BANK1: variants seen among roughly 807,000 people sequenced by gnomAD.
BANK1 encodes B cell scaffold protein with ankyrin repeats 1, also known as B-cell scaffold protein with ankyrin repeats.
Under a neutral mutation model 94.5 loss-of-function variants are expected in BANK1, and 95 were observed. The observed-to-expected ratio is 1.00, with a 90% CI of 0.85 to 1.19. The LOEUF is 1.19. Among genes scored for constraint, BANK1 ranks in the 50% most tolerant of loss-of-function variants. BANK1 has a pLI of 0.00. For synonymous variants in BANK1, 334 were observed against 308.4 expected (o/e 1.08, Z -0.87); for missense variants, 987 against 932.2 (o/e 1.06, Z -0.77).
chr4:101,806,736 T>G (rs958757549), intron 1 of BANK1, among the ~76,000 whole-genome samples: 3 of 152,188 alleles, frequency 2.0e-5, no homozygotes, highest in African/African-American at 7.2e-5. Context: ...ATTTAGTATA[T>G]TCATTGAGAA....
chr4:101,947,303 A>ATGTATG, intron 7 of BANK1, among the ~76,000 whole-genome samples: 1 of 56,974 alleles, frequency 1.8e-5, no homozygotes, highest in Non-Finnish European at 5.6e-5. Flanking sequence ...ATATATATAT[A>ATGTATG]TATATATATG....
chr4:101,832,049 C>T (rs529119983), intron 2 of BANK1, among the ~76,000 whole-genome samples: 1 of 152,246 alleles, frequency 6.6e-6, no homozygotes, highest in South Asian at 2.1e-4. Flanking sequence ...TCTAATCATT[C>T]CTGAGGAAGG....
At position 101,855,079 on chromosome 4, in the gene BANK1, G is replaced by A. The variant is rs1727629694; in HGVS notation, c.514G>A (p.Ala172Thr). Residue 172 changes from alanine (A) to threonine (T), a missense_variant, in exon 3 of 17, where the codon GCA becomes ACA. By Grantham distance (58) the Ala-to-Thr change is moderately conservative. Coordinates refer to ENST00000322953, the MANE Select transcript of BANK1 (RefSeq NM_017935.5). ...FEVNIPTDLR[A>T]KHSGEISERK... is the part of the protein sequence containing the mutation. ...GGTCAACATTCCAACAGACCTACGA[G>A]CAAAACATTCTGGGGAAATAAGTGA... is the stretch of plus-strand genomic sequence containing the variant. 6.2e-7 allele frequency: 1 copy of A among 1,613,330 alleles called. No individual in the cohort carries two copies. Among genetic ancestry groups the A allele is most frequent in the Non-Finnish European group, 8.5e-7 (1 of 1,179,448 alleles).
chr4:102,041,070 A>G (rs1014038598), intron 10 of BANK1, among the ~76,000 whole-genome samples: 1 of 152,076 alleles, frequency 6.6e-6, no homozygotes, highest in Non-Finnish European at 1.5e-5. Context: ...CTTGCTTTAC[A>G]AAATAATGTA....
chr4:101,822,285 G>A (rs775429552), intron 1 of BANK1, among the ~76,000 whole-genome samples: 3 of 151,808 alleles, frequency 2.0e-5, no homozygotes, highest in Non-Finnish European at 4.4e-5. Flanking sequence ...TGGGACGATC[G>A]CTTAAGCCTG....
chr4:102,062,188 A>AAAC (rs1396060399), intron 12 of BANK1: 1 of 152,218 alleles, frequency 6.6e-6, no homozygotes. Flanking sequence ...TTAATCTAGG[A>AAAC]AACTAAGAAA....
intron 7 of BANK1, among the ~76,000 whole-genome samples, chr4:101,934,976 T>C (rs1167243189): frequency 6.6e-6 from 1 of 151,464 alleles, no homozygotes; most frequent in Non-Finnish European, 1.5e-5. Context: ...TATTTAAAAT[T>C]GCCAATACCC....
At position 101,847,769 on chromosome 4, in the gene BANK1, A is replaced by G. The variant is rs561019649; in HGVS notation, c.470-7266A>G. The stretch of plus-strand genomic sequence containing the variant: ...CACACACACACACACACACACACAC[A>G]CACACATATGTCTCACACAGTTTCT... On this transcript the variant is annotated intron_variant, in intron 2 of 16. Transcript: ENST00000322953. Among the ~76,000 whole-genome samples, 119 of 149,018 alleles carry G rather than the reference A, an allele frequency of 8.0e-4. 3 individuals carry two copies. The Middle Eastern group carries it at 0.01, about 13-fold the overall frequency.
intron 2 of BANK1, among the ~76,000 whole-genome samples, chr4:101,842,026 C>T (rs1396764655): frequency 6.6e-6 from 1 of 152,102 alleles, no homozygotes; most frequent in Non-Finnish European, 1.5e-5. Flanking sequence ...TCTGGTACTT[C>T]ATATGAAGAA....
At chr4:101,800,197 G>A (rs1452915737) in intron 1 of BANK1, among the ~76,000 whole-genome samples, 4 of 151,312 alleles carry the variant, frequency 2.6e-5, no homozygotes, top group Non-Finnish European at 5.9e-5. Context: ...AAGTTAATGG[G>A]TGCAGCACAC....
chr4:101,822,470 A>T (rs762227209), intron 1 of BANK1, among the ~76,000 whole-genome samples: 5 of 152,186 alleles, frequency 3.3e-5, no homozygotes, highest in Admixed American at 6.5e-5. Flanking sequence ...TATTTCATTG[A>T]TTCTGACAAT....
intron 2 of BANK1, among the ~76,000 whole-genome samples, chr4:101,839,976 T>A (rs1489184507): frequency 1.6e-5 from 1 of 63,732 alleles, no homozygotes; most frequent in African/African-American, 5.8e-5. Flanking sequence ...TTTTTTTTTT[T>A]TTTTTTTTTT....
intron 5 of BANK1, among the ~76,000 whole-genome samples, chr4:101,876,566 C>T (rs531602583): frequency 1.7e-3 from 258 of 152,244 alleles, no homozygotes; most frequent in Admixed American, 2.9e-3. Flanking sequence ...GGAAACCCTT[C>T]CCAAGAAGGA....
At chr4:101,909,435 T>A (rs1315994769) in intron 6 of BANK1, among the ~76,000 whole-genome samples, 2 of 152,128 alleles carry the variant, frequency 1.3e-5, no homozygotes, top group African/African-American at 4.8e-5. Flanking sequence ...GAGATATACC[T>A]AATGTAAATG....
chr4:102,012,174 A>G (rs1449138362), intron 7 of BANK1, among the ~76,000 whole-genome samples: 1 of 152,186 alleles, frequency 6.6e-6, no homozygotes, highest in Admixed American at 6.5e-5. Flanking sequence ...GGTGTGTTGC[A>G]TTGTATCAAA....
At chr4:101,994,340 A>G (rs1364641247) in intron 7 of BANK1, among the ~76,000 whole-genome samples, 1 of 152,178 alleles carries the variant, frequency 6.6e-6, no homozygotes, top group Non-Finnish European at 1.5e-5. Flanking sequence ...CCTGATGGAA[A>G]CAAAACATCT....
intron 2 of BANK1, among the ~76,000 whole-genome samples, chr4:101,851,088 C>T (rs1727457500): frequency 6.6e-6 from 1 of 151,990 alleles, no homozygotes; most frequent in Non-Finnish European, 1.5e-5. Context: ...ATGTTAAAAG[C>T]CAATATAGGT....
In BANK1 at chr4:102,030,195, A is replaced by G; in HGVS notation, c.1830A>G (p.Arg610=). The change falls in exon 10 of 17, where the codon AGA becomes AGG. Residue 610 remains arginine (R), a synonymous_variant. Transcript: ENST00000322953. ...KTGSRSFIIN[R]PPAPTPRPTS... ...GGAGTCGGTCTTTCATTATAAATAG[A>G]CCTCCTGCCCCCACACCCCGACCCA... 2 of 1,613,784 alleles carry G rather than the reference A, an allele frequency of 1.2e-6. No individual in the cohort carries two copies. Among genetic ancestry groups the G allele is most frequent in the Non-Finnish European group, 1.7e-6 (2 of 1,179,856 alleles).
At chr4:102,043,171 A>C (rs1727759642) in intron 10 of BANK1, among the ~76,000 whole-genome samples, 2 of 152,054 alleles carry the variant, frequency 1.3e-5, no homozygotes, top group Admixed American at 6.6e-5. Flanking sequence ...CAAATGCCAG[A>C]AGCTATATGG....
Sources: gnomAD v4.1 joint callset for allele counts (sites outside exome capture counted in the v4.1 genomes callset) on GRCh38, gnomAD v4.1.1 for gene constraint, MANE v1.5 for transcripts, NCBI Gene and HGNC (gene_info 2026-07-23, HGNC 2026-07-21) for gene names.